The following LRCH3 variants were observed in gnomAD, a reference collection of about 807,000 sequenced individuals.
The protein encoded by LRCH3 is DISP complex protein LRCH3.
A neutral mutation model predicts 104.5 loss-of-function variants in LRCH3; 68 were observed. That is an observed-to-expected ratio of 0.65 (90% confidence interval 0.54 to 0.80). The LOEUF (loss-of-function observed/expected upper bound fraction) is 0.80. Among genes scored for constraint, LRCH3 ranks in the 30% least tolerant of loss-of-function variants. The pLI is 0.00. For missense variants in LRCH3, 951 were observed against 953.9 expected (o/e 1.00, Z 0.04); for synonymous variants, 344 against 361.3 (o/e 0.95, Z 0.54).
At chr3:197,859,056 T>C (rs1740593510) in intron 15 of LRCH3, 151 bp downstream of exon 15, 3 of 640,952 alleles carry the variant, frequency 4.7e-6, no homozygotes, top group Non-Finnish European at 8.4e-6. Context: ...TTGATTTCCC[T>C]TGAAATTTTT....
Position 197,814,947 on chromosome 3 carries a change from C to T in LRCH3, c.302C>T (p.Ala101Val). The change falls in exon 2 of 21, where the codon GCA (alanine) becomes GTA (valine). Residue 101 changes from alanine (A) to valine (V), a missense_variant. Physicochemically the swap from Ala to Val is moderately conservative, Grantham distance 64 (BLOSUM62 0). Transcript: ENST00000425562. ...RNRLSEIPIE[A>V]CHFVSLENLN... is the part of the protein sequence containing the mutation. ...CGCCTTTCAGAAATTCCTATAGAAG[C>T]ATGTCACTTTGTTTCTCTGGAAAAT... 5 of 1,600,460 alleles carry T rather than the reference C, an allele frequency of 3.1e-6. No homozygotes were observed. The highest frequency in any genetic ancestry group is 4.3e-6 in the Non-Finnish European group (5 of 1,175,262).
At chr3:197,859,999 T>C (rs1740694326) in intron 15 of LRCH3, among the ~76,000 whole-genome samples, 1 of 152,214 alleles carries the variant, frequency 6.6e-6, no homozygotes, top group South Asian at 2.1e-4. Flanking sequence ...GGGTGATTTT[T>C]AAATTTTTGG....
At chr3:197,863,412 C>CCGCT (rs1218597132) in intron 15 of LRCH3, among the ~76,000 whole-genome samples, 1 of 152,180 alleles carries the variant, frequency 6.6e-6, no homozygotes, top group Non-Finnish European at 1.5e-5. Context: ...CAGGCGCCAC[C>CCGCT]ACCATGCCCA....
intron 9 of LRCH3, 83 bp downstream of exon 9, chr3:197,835,905 T>A (rs763056216): frequency 7.0e-7 from 1 of 1,421,932 alleles, no homozygotes; most frequent in Non-Finnish European, 9.6e-7. Flanking sequence ...GTTATATCAG[T>A]GATTTGTTGA....
intron 13 of LRCH3, among the ~76,000 whole-genome samples, chr3:197,853,797 C>G (rs1321292537): frequency 6.6e-6 from 1 of 152,170 alleles, no homozygotes; most frequent in Non-Finnish European, 1.5e-5. Flanking sequence ...TTGGCTCCAG[C>G]ATGTTCACTT....
At position 197,881,261 on chromosome 3, in the gene LRCH3, C is replaced by G. The variant is rs1004219370; in HGVS notation, c.2209-2280C>G. On this transcript the variant is annotated intron_variant, in intron 20 of 20. Coordinates refer to ENST00000425562, the MANE Select transcript of LRCH3 (RefSeq NM_001365715.1). ...TGAATCCCCGCTTTGTCGGTAGGCA[C>G]AGGTCCATATAAGCATTTGCGGTCT... is the stretch of plus-strand genomic sequence containing the variant. The G allele has an allele frequency of 2.0e-5, 20 of 996,928 alleles. No individual in the cohort carries two copies. In the African/African-American group the frequency reaches 3.5e-4, roughly 17 times the overall value. The allele number at this position is 996,928 out of a possible 1,614,324, so 61.8% of individuals were successfully genotyped here. A position where few individuals can be genotyped will look rare whatever the true frequency, so the allele number is the denominator to read the frequency against.
intron 20 of LRCH3, among the ~76,000 whole-genome samples, chr3:197,878,901 G>A (rs1713224178): frequency 6.6e-6 from 1 of 152,130 alleles, no homozygotes; most frequent in Admixed American, 6.5e-5. Context: ...TTTTGAAAAT[G>A]TAAAACAGAA....
intron 1 of LRCH3, among the ~76,000 whole-genome samples, chr3:197,799,830 G>A (rs896598413): frequency 2.6e-5 from 4 of 150,948 alleles, no homozygotes; most frequent in Non-Finnish European, 5.9e-5. Context: ...CCGAGATCAC[G>A]TCACTGCACT....
In LRCH3 at chr3:197,883,604, G is replaced by A. The variant is rs1262016712; in HGVS notation, c.2272G>A (p.Val758Ile). ...AGGTTTGAGCCAGGTTGCAGTGACG[G>A]TCCAGGCTCTCCTGGAACTTGCCCC... ...EKGLSQVAVT[V>I]QALLELAPPK... Residue 758 changes from valine to isoleucine, a missense_variant, in exon 21 of 21, where the codon GTC becomes ATC. By Grantham distance (29) the Val-to-Ile change is conservative. Coordinates refer to ENST00000425562, the MANE Select transcript of LRCH3 (RefSeq NM_001365715.1). The surrounding 1 kb of genome is among the most constrained non-coding windows in gnomAD (Gnocchi z 4.2). 4.6e-6 allele frequency: 7 copies of A among 1,536,018 alleles called. No individual in the cohort carries two copies. Among genetic ancestry groups the A allele is most frequent in the South Asian group, 2.4e-5 (2 of 84,054 alleles).
chr3:197,812,503 A>AATTTTTTTTTTTT (rs1439272123), intron 1 of LRCH3, among the ~76,000 whole-genome samples: 2 of 8,584 alleles, frequency 2.3e-4, no homozygotes, highest in Admixed American at 2.8e-3. Context: ...CTCTGCTTTC[A>AATTTTTTTTTTTT]GTTTTTTTTT....
chr3:197,814,892 T>A lies in LRCH3; in HGVS notation c.263-16T>A. ...TCCAAGGACTGATTTTAAACCTAAT[T>A]TAATTTTTCTTTTAGACCTGTCGCG... On this transcript the variant is annotated splice_polypyrimidine_tract_variant and intron_variant, in intron 1 of 20. Transcript: ENST00000425562. The A allele has an allele frequency of 6.4e-7, 1 of 1,572,042 alleles. No homozygotes were observed. Among genetic ancestry groups the A allele is most frequent in the South Asian group, 1.2e-5 (1 of 80,918 alleles).
chr3:197,803,097 C>A (rs1732078387), intron 1 of LRCH3, among the ~76,000 whole-genome samples: 1 of 152,150 alleles, frequency 6.6e-6, no homozygotes, highest in South Asian at 2.1e-4. Context: ...TGGGAACTTT[C>A]ACAGTGGATT....
chr3:197,821,011 C>A (rs915662488), intron 4 of LRCH3, among the ~76,000 whole-genome samples: 1 of 152,020 alleles, frequency 6.6e-6, no homozygotes, highest in African/African-American at 2.4e-5. Flanking sequence ...ATTTTTAGAT[C>A]TTGTCAACCG....
chr3:197,793,278 C>T (rs192950254), intron 1 of LRCH3, among the ~76,000 whole-genome samples: 1 of 152,286 alleles, frequency 6.6e-6, no homozygotes, highest in Non-Finnish European at 1.5e-5. Context: ...AAATTAAATG[C>T]CTGCTTATTT....
chr3:197,846,454 T>TA (rs1255261770), intron 10 of LRCH3, among the ~76,000 whole-genome samples: 1 of 150,704 alleles, frequency 6.6e-6, no homozygotes, highest in Non-Finnish European at 1.5e-5. Context: ...CCAATTACTT[T>TA]AGGAGGCTGA....
At chr3:197,871,561 C>T in intron 19 of LRCH3, 99 bp downstream of exon 19, 12 of 1,515,840 alleles carry the variant, frequency 7.9e-6, no homozygotes, top group Non-Finnish European at 1.1e-5. Flanking sequence ...ATTAAGGATA[C>T]AGATATAAAG....
chr3:197,825,464 A>ATTTTTTTTTTTTTTTTTTTTTTTTTTT lies in LRCH3; in HGVS notation c.641-1407_641-1381dup, dbSNP rs58237989. ...TAGACCTCTTTGTTGATCCTCTTTGATTTTTTTTTTTTTTTTTTTTTTTTT... is the reference window on the plus strand; with the variant it reads ...TAGACCTCTTTGTTGATCCTCTTTGATTTTTTTTTTTTTTTTTTTTTTTTTTTTTTTTTTTTTTTTTTTTTTTTTTTT... On this transcript the variant is annotated intron_variant, in intron 4 of 20. Transcript: ENST00000425562. 2.0e-4 allele frequency among the ~76,000 whole-genome samples: 4 copies of ATTTTTTTTTTTTTTTTTTTTTTTTTTT among 20,034 alleles called. 2 individuals carry two copies. The highest frequency in any genetic ancestry group is 3.7e-4 in the Non-Finnish European group (4 of 10,746). The allele number at this position is 20,034 out of a possible 152,430, so 13.1% of individuals were successfully genotyped here. A position where few individuals can be genotyped will look rare whatever the true frequency, so the allele number is the denominator to read the frequency against.
chr3:197,831,405 A>G (rs1735919867), intron 7 of LRCH3: 3 of 152,282 alleles, frequency 2.0e-5, no homozygotes, highest in African/African-American at 7.2e-5. Context: ...AATGTGTAAT[A>G]TTTTAGCTAT....
At position 197,887,155 on chromosome 3, in the gene LRCH3, A is replaced by G. The variant is rs974425395; in HGVS notation, c.*3489A>G. The G allele has an allele frequency of 6.6e-6, 1 of 152,016 alleles. No homozygotes were observed. The highest frequency in any genetic ancestry group is 2.4e-5 in the African/African-American group (1 of 41,428). The allele number at this position is 152,016 out of a possible 1,614,324, so 9.4% of individuals were successfully genotyped here. A position where few individuals can be genotyped will look rare whatever the true frequency, so the allele number is the denominator to read the frequency against. On this transcript the variant is annotated 3_prime_UTR_variant, in exon 21 of 21. Transcript: ENST00000425562. ...TTTTTTATGTCAAGATGCAAAAACAAATCATGATGCTTTTGTTGGGAGAAT... is the reference window on the plus strand; with the variant it reads ...TTTTTTATGTCAAGATGCAAAAACAGATCATGATGCTTTTGTTGGGAGAAT...
Sources: gnomAD v4.1 joint callset for allele counts (sites outside exome capture counted in the v4.1 genomes callset) on GRCh38, gnomAD v4.1.1 for gene constraint, Gnocchi (gnomAD v3.1) non-coding constraint, MANE v1.5 for transcripts, NCBI Gene and HGNC (gene_info 2026-07-23, HGNC 2026-07-21) for gene names.